ARMC3: variants seen among roughly 807,000 people sequenced by gnomAD.
ARMC3 encodes the protein armadillo repeat-containing protein 3.
ARMC3 carries 74 observed loss-of-function variants against 90.3 expected under a neutral mutation model. The ratio of observed to expected loss-of-function variants is 0.82; its 90% CI spans 0.68 to 0.99. The LOEUF (loss-of-function observed/expected upper bound fraction) is 0.99. Ranked by LOEUF, ARMC3 falls within the 50% of genes least tolerant of loss-of-function variation. The probability of loss-of-function intolerance (pLI) is 0.00; values close to 1 mark genes in which losing one functional copy is unlikely to be tolerated. For missense variants in ARMC3, 958 were observed against 1,042.8 expected (o/e 0.92, Z 1.12); for synonymous variants, 334 against 361.8 (o/e 0.92, Z 0.87).
At chr10:23,030,972 C>T (rs564231815) in intron 17 of ARMC3, 176 bp downstream of exon 17, 17 of 650,924 alleles carry the variant, frequency 2.6e-5, no homozygotes, top group African/African-American at 3.6e-5. Flanking sequence ...TTAGGTCATA[C>T]GTTCACTAAG....
chr10:22,932,776 TG>T (rs1278851565), intron 2 of ARMC3, among the ~76,000 whole-genome samples: 1 of 152,350 alleles, frequency 6.6e-6, no homozygotes, highest in East Asian at 1.9e-4. Flanking sequence ...TGAAGGAAAC[TG>T]GGCTAATGGC....
At chr10:23,035,830 C>G (rs904854181) in intron 18 of ARMC3, among the ~76,000 whole-genome samples, 1 of 152,144 alleles carries the variant, frequency 6.6e-6, no homozygotes, top group African/African-American at 2.4e-5. Context: ...GCTACTGGGC[C>G]CCACATCTGC....
intron 2 of ARMC3, 123 bp downstream of exon 2, chr10:22,932,167 C>A: frequency 3.1e-6 from 2 of 640,244 alleles, no homozygotes; most frequent in Non-Finnish European, 5.0e-6. Flanking sequence ...CAAAGTCTGA[C>A]TAATGATAAG....
rs577310983 is a variant in ARMC3, at chr10:23,016,135, T to C, written c.2045+7204T>C. 5.9e-5 allele frequency among the ~76,000 whole-genome samples: 9 copies of C among 152,328 alleles called. No individual in the cohort carries two copies. In the South Asian group the frequency reaches 1.2e-3, roughly 21 times the overall value. On this transcript the variant is annotated intron_variant, in intron 16 of 18. Coordinates refer to ENST00000298032, the MANE Select transcript of ARMC3 (RefSeq NM_173081.5). ...CAATTTGAATACATTTCTTTCAACA[T>C]TGAACTCCTGGAGACTTTCACATCT...
chr10:22,942,651 A>G (rs531201871), intron 2 of ARMC3, among the ~76,000 whole-genome samples: 2 of 152,336 alleles, frequency 1.3e-5, no homozygotes, highest in African/African-American at 2.4e-5. Context: ...ATGTAAATTG[A>G]TAAAAACCAC....
intron 8 of ARMC3, among the ~76,000 whole-genome samples, chr10:22,974,172 A>T (rs1412965810): frequency 1.3e-5 from 2 of 152,160 alleles, no homozygotes; most frequent in Non-Finnish European, 2.9e-5. Flanking sequence ...TGATATTAAG[A>T]TTACCATGTA....
At chr10:22,950,251 T>C (rs1834692244) in intron 3 of ARMC3, among the ~76,000 whole-genome samples, 1 of 152,040 alleles carries the variant, frequency 6.6e-6, no homozygotes, top group Non-Finnish European at 1.5e-5. Context: ...TTGAATCACT[T>C]CAAAAGCAAA....
intron 8 of ARMC3, among the ~76,000 whole-genome samples, chr10:22,980,917 T>C (rs1395127673): frequency 1.3e-5 from 2 of 152,224 alleles, no homozygotes; most frequent in Non-Finnish European, 2.9e-5. Flanking sequence ...AGCATCTAGC[T>C]CACCAGTTTG....
At chr10:22,944,424 T>G (rs1238904741) in intron 2 of ARMC3, among the ~76,000 whole-genome samples, 1 of 152,196 alleles carries the variant, frequency 6.6e-6, no homozygotes, top group African/African-American at 2.4e-5. Context: ...CCATCCCATT[T>G]TATCTGTTCT....
intron 8 of ARMC3, among the ~76,000 whole-genome samples, chr10:22,978,027 T>C (rs922467444): frequency 1.8e-4 from 27 of 152,228 alleles, no homozygotes; most frequent in Admixed American, 1.4e-3. Context: ...TGCTAGAAGA[T>C]AGGTTAAATC....
intron 16 of ARMC3, among the ~76,000 whole-genome samples, chr10:23,027,497 C>T (rs1045221743): frequency 6.6e-6 from 1 of 151,948 alleles, no homozygotes. Flanking sequence ...ATATCCTGAC[C>T]CTTCGATGAA....
chr10:23,018,351 C>G (rs1248876825), intron 16 of ARMC3, among the ~76,000 whole-genome samples: 1 of 152,074 alleles, frequency 6.6e-6, no homozygotes, highest in Non-Finnish European at 1.5e-5. Flanking sequence ...AACTTAGGTT[C>G]TCATTTCGTT....
chr10:22,951,190 G>A (rs1834727733), intron 3 of ARMC3, among the ~76,000 whole-genome samples: 1 of 152,176 alleles, frequency 6.6e-6, no homozygotes, highest in African/African-American at 2.4e-5. Flanking sequence ...ACCTGTCTCG[G>A]CCTCCCAAAG....
intron 7 of ARMC3, among the ~76,000 whole-genome samples, chr10:22,963,396 TG>T (rs1395395643): frequency 1.6e-4 from 24 of 152,096 alleles, no homozygotes; most frequent in Admixed American, 5.2e-4. Context: ...AGAACTGGTA[TG>T]TATATATGTA....
intron 13 of ARMC3, among the ~76,000 whole-genome samples, chr10:23,004,260 C>A (rs1247254885): frequency 6.6e-6 from 1 of 152,052 alleles, no homozygotes; most frequent in Non-Finnish European, 1.5e-5. Flanking sequence ...TCAGTATTTT[C>A]TACTTCTTCT....
At chr10:22,956,831 C>T (rs1369983741) in intron 4 of ARMC3, among the ~76,000 whole-genome samples, 2 of 147,992 alleles carry the variant, frequency 1.4e-5, no homozygotes, top group Non-Finnish European at 3.0e-5. Flanking sequence ...TATTAAATAA[C>T]GTATTAGTAT....
chr10:22,978,345 G>A (rs976197088), intron 8 of ARMC3, among the ~76,000 whole-genome samples: 1 of 152,194 alleles, frequency 6.6e-6, no homozygotes, highest in Non-Finnish European at 1.5e-5. Flanking sequence ...AGGAGAGAGT[G>A]AATACCCAGC....
chr10:22,990,991 T>G (rs567747365), intron 10 of ARMC3, among the ~76,000 whole-genome samples: 14 of 151,888 alleles, frequency 9.2e-5, no homozygotes. Flanking sequence ...TTCCTCTGCC[T>G]CCTCCTCTCT....
intron 10 of ARMC3, 124 bp downstream of exon 10, chr10:22,981,824 T>C: frequency 1.2e-6 from 1 of 800,714 alleles, no homozygotes; most frequent in Non-Finnish European, 1.9e-6. Context: ...TATCTTGGGG[T>C]TATTCTTCAG....
Sources: gnomAD v4.1 joint callset for allele counts (sites outside exome capture counted in the v4.1 genomes callset) on GRCh38, gnomAD v4.1.1 for gene constraint, MANE v1.5 for transcripts, NCBI Gene and HGNC (gene_info 2026-07-23, HGNC 2026-07-21) for gene names.